The following SLCO3A1 variants were observed in gnomAD, a reference collection of about 807,000 sequenced individuals.
The protein encoded by SLCO3A1 is PGE1 transporter.
In SLCO3A1, 27 loss-of-function variants were observed where a neutral mutation model predicts 63.1. That is an observed-to-expected ratio of 0.43 (90% CI 0.32 to 0.59). The LOEUF is 0.59. Among genes scored for constraint, SLCO3A1 ranks in the 20% least tolerant of loss-of-function variants. The pLI is 0.09. For missense variants in SLCO3A1, 773 were observed against 945.8 expected (o/e 0.82, Z 2.40); for synonymous variants, 473 against 409.9 (o/e 1.15, Z -1.86).
chr15:92,000,301 T>C lies in SLCO3A1; in HGVS notation c.646+83843T>C, dbSNP rs186741117. ...CATGCCTGTGAAAGACATCTAGAAG[T>C]TCCAGAGAACAATATCCTCTGGGAA... is the stretch of plus-strand genomic sequence containing the variant. On this transcript the variant is annotated intron_variant, in intron 2 of 9. Coordinates refer to ENST00000318445, the MANE Select transcript of SLCO3A1 (RefSeq NM_013272.4). Among the ~76,000 whole-genome samples, 286 of 152,114 alleles carry C rather than the reference T, an allele frequency of 1.9e-3. 2 individuals carry two copies. Among genetic ancestry groups the C allele is most frequent in the African/African-American group, 6.7e-3 (278 of 41,482 alleles).
chr15:92,051,441 C>T (rs1171274834), intron 2 of SLCO3A1, among the ~76,000 whole-genome samples: 2 of 152,124 alleles, frequency 1.3e-5, no homozygotes, highest in Admixed American at 1.3e-4. Context: ...ATCATCAGTG[C>T]ACAGGGAGGG....
intron 2 of SLCO3A1, among the ~76,000 whole-genome samples, chr15:91,976,889 G>A (rs1031365926): frequency 1.6e-4 from 25 of 152,114 alleles, no homozygotes; most frequent in African/African-American, 5.8e-4. Context: ...GAGGCAGGGC[G>A]AGATCACAGG....
intron 7 of SLCO3A1, among the ~76,000 whole-genome samples, chr15:92,134,396 A>C (rs2048031900): frequency 6.6e-6 from 1 of 152,210 alleles, no homozygotes; most frequent in Admixed American, 6.5e-5. Flanking sequence ...TTGTAAGTGT[A>C]GAGATGAATA....
intron 1 of SLCO3A1, among the ~76,000 whole-genome samples, chr15:91,873,907 CCTTT>C (rs748549913): frequency 4.1e-4 from 62 of 152,088 alleles, no homozygotes; most frequent in Admixed American, 1.3e-3. Flanking sequence ...TGTGTCATTT[CCTTT>C]GTTTTTTTTC....
rs976803957 is a variant in SLCO3A1 at position 91,968,923 on chromosome 15, T to G, written c.646+52465T>G. Among the ~76,000 whole-genome samples, 3 of 152,224 alleles carry G rather than the reference T, an allele frequency of 2.0e-5. No individual in the cohort carries two copies. Among genetic ancestry groups the G allele is most frequent in the Admixed American group, 6.5e-5 (1 of 15,290 alleles). ...GATCTGGCAAACTCGTGTTGCTCCATGTAGAGTCAGCTCAGAGGTCCCTTC... is the reference window on the plus strand; with the variant it reads ...GATCTGGCAAACTCGTGTTGCTCCAGGTAGAGTCAGCTCAGAGGTCCCTTC... On this transcript the variant is annotated intron_variant, in intron 2 of 9. Coordinates refer to ENST00000318445, the MANE Select transcript of SLCO3A1 (RefSeq NM_013272.4). The surrounding 1 kb of genome is among the most constrained non-coding windows in gnomAD (Gnocchi z 4.2).
At chr15:92,150,761 G>A (rs2048294259) in intron 8 of SLCO3A1, among the ~76,000 whole-genome samples, 189 bp from the exon 9 acceptor site, 1 of 150,932 alleles carries the variant, frequency 6.6e-6, no homozygotes, top group Non-Finnish European at 1.5e-5. Flanking sequence ...TGGCACCACA[G>A]TTGCAGTTAT....
intron 2 of SLCO3A1, among the ~76,000 whole-genome samples, chr15:92,071,505 A>G (rs2047215724): frequency 6.6e-6 from 1 of 152,196 alleles, no homozygotes; most frequent in Non-Finnish European, 1.5e-5. Context: ...GAAAAAACAC[A>G]CGTCAGAAAT....
At chr15:91,880,381 TTCTCTCTCTCTCTCTCTC>T (rs71464533) in intron 1 of SLCO3A1, among the ~76,000 whole-genome samples, 1 of 121,692 alleles carries the variant, frequency 8.2e-6, no homozygotes, top group African/African-American at 3.3e-5. Flanking sequence ...GCACTCGTGC[TTCTCTCTCTCTCTCTCTC>T]TCTCTCTCTC....
At chr15:92,150,842 T>C in intron 8 of SLCO3A1, 108 bp from the exon 9 acceptor site, 1 of 686,914 alleles carries the variant, frequency 1.5e-6, no homozygotes, top group Non-Finnish European at 2.4e-6. Context: ...TTAGTAATTT[T>C]CTAAAGAAGA....
At chr15:92,087,665 T>A (rs1596088367) in intron 2 of SLCO3A1, among the ~76,000 whole-genome samples, 1 of 152,030 alleles carries the variant, frequency 6.6e-6, no homozygotes, top group Non-Finnish European at 1.5e-5. Context: ...ATTACAGGCA[T>A]GTACCACCAT....
chr15:91,994,609 G>A (rs749245485), intron 2 of SLCO3A1, among the ~76,000 whole-genome samples: 1 of 152,210 alleles, frequency 6.6e-6, no homozygotes, highest in Non-Finnish European at 1.5e-5. Flanking sequence ...TAAGAGAAGA[G>A]TGAACTGCCT....
chr15:92,056,092 G>A (rs768028349), intron 2 of SLCO3A1, among the ~76,000 whole-genome samples: 8 of 151,900 alleles, frequency 5.3e-5, no homozygotes, highest in East Asian at 1.9e-4. Flanking sequence ...TCTTTGTTGC[G>A]TCTGCAGTTT....
At chr15:92,015,229 G>A (rs139316370) in intron 2 of SLCO3A1, among the ~76,000 whole-genome samples, 179 of 152,130 alleles carry the variant, frequency 1.2e-3, no homozygotes, top group African/African-American at 4.1e-3. Flanking sequence ...TCCTGTTGGC[G>A]GGTGTATTCA....
chr15:92,011,681 C>T (rs1184431814), intron 2 of SLCO3A1, among the ~76,000 whole-genome samples: 1 of 152,194 alleles, frequency 6.6e-6, no homozygotes, highest in African/African-American at 2.4e-5. Context: ...TATTTACTGA[C>T]TCACCTTCTC....
At chr15:92,118,683 A>T (rs1282331242) in intron 4 of SLCO3A1, among the ~76,000 whole-genome samples, 1 of 151,746 alleles carries the variant, frequency 6.6e-6, no homozygotes, top group Non-Finnish European at 1.5e-5. Flanking sequence ...GCAGTGTGAG[A>T]CTCCCTGCCC....
chr15:91,944,875 C>A (rs989526099), intron 2 of SLCO3A1, among the ~76,000 whole-genome samples: 1 of 152,152 alleles, frequency 6.6e-6, no homozygotes, highest in African/African-American at 2.4e-5. Context: ...CCTTGCACTT[C>A]CCTTAAGCTT....
chr15:91,959,088 C>A (rs900724558), intron 2 of SLCO3A1, among the ~76,000 whole-genome samples: 12 of 152,236 alleles, frequency 7.9e-5, no homozygotes, highest in African/African-American at 2.9e-4. Context: ...ACTACTCAAC[C>A]ATAAAAAGGA....
intron 2 of SLCO3A1, among the ~76,000 whole-genome samples, chr15:92,088,353 A>G (rs191359268): frequency 6.6e-6 from 1 of 152,328 alleles, no homozygotes; most frequent in East Asian, 1.9e-4. Flanking sequence ...GAGAAATGAC[A>G]CACACAAAAA....
At position 91,941,028 on chromosome 15, in the gene SLCO3A1, G is replaced by A. The variant is rs563018324; in HGVS notation, c.646+24570G>A. On this transcript the variant is annotated intron_variant, in intron 2 of 9. Coordinates refer to ENST00000318445, the MANE Select transcript of SLCO3A1 (RefSeq NM_013272.4). This position sits in a 1 kb window ranked among gnomAD's most constrained non-coding sequence, Gnocchi z 4.4. ...TGATTTATTGAAGTGAAGGTAGAGG[G>A]AGTGGGTGGAAAGGAAATCACCCTT... Among the ~76,000 whole-genome samples the A allele has an allele frequency of 2.0e-5, 3 of 152,282 alleles. No homozygotes were observed.
Sources: gnomAD v4.1 joint callset for allele counts (sites outside exome capture counted in the v4.1 genomes callset) on GRCh38, gnomAD v4.1.1 for gene constraint, Gnocchi (gnomAD v3.1) non-coding constraint, MANE v1.5 for transcripts, NCBI Gene and HGNC (gene_info 2026-07-23, HGNC 2026-07-21) for gene names.